The following KIF21B variants were observed in gnomAD, a reference collection of about 807,000 sequenced individuals.
KIF21B encodes kinesin-like protein KIF21B.
In KIF21B, 85 loss-of-function variants were observed where a neutral mutation model predicts 192.9. The observed-to-expected ratio is 0.44, with a 90% confidence interval of 0.37 to 0.53. The LOEUF (loss-of-function observed/expected upper bound fraction) is 0.53. Among genes scored for constraint, KIF21B ranks in the 20% least tolerant of loss-of-function variants. KIF21B has a pLI of 0.00. For synonymous variants in KIF21B, 832 were observed against 884.6 expected (o/e 0.94, Z 1.05); for missense variants, 1,716 against 2,194.8 (o/e 0.78, Z 4.36).
At chr1:200,995,846 G>A (rs1657024931) in intron 15 of KIF21B, among the ~76,000 whole-genome samples, 1 of 152,154 alleles carries the variant, frequency 6.6e-6, no homozygotes, top group Non-Finnish European at 1.5e-5. Context: ...CAAATGAGAG[G>A]CCTCATGTGC....
chr1:201,023,164 C>A lies in KIF21B; in HGVS notation c.41+179G>T, dbSNP rs1466330232. Among the ~76,000 whole-genome samples the A allele has an allele frequency of 6.6e-6, 1 of 152,264 alleles. No homozygotes were observed. The highest frequency in any genetic ancestry group is 1.5e-5 in the Non-Finnish European group (1 of 68,052). ...GCCACCTTCCAGTAGTCGGCGGGGTCGCCGCTCCCCTGCGGCAGACTGGCC... is the reference window on the plus strand; with the variant it reads ...GCCACCTTCCAGTAGTCGGCGGGGTAGCCGCTCCCCTGCGGCAGACTGGCC... On this transcript the variant is annotated intron_variant, in intron 1 of 34. Coordinates refer to ENST00000461742, the MANE Select transcript of KIF21B (RefSeq NM_001252102.2). This position sits in a 1 kb window ranked among gnomAD's most constrained non-coding sequence, Gnocchi z 5.9.
Position 200,988,271 on chromosome 1 carries a change from C to G in KIF21B, c.3408+25G>C, listed in dbSNP as rs202083423. ...GTGGAGGCTGGCCCTGCTGCACCCACTGCCTGACTTCCGGCGGGGCTCACC... is the reference window on the plus strand; with the variant it reads ...GTGGAGGCTGGCCCTGCTGCACCCAGTGCCTGACTTCCGGCGGGGCTCACC... On this transcript the variant is annotated intron_variant, in intron 24 of 34. Coordinates refer to ENST00000461742, the MANE Select transcript of KIF21B (RefSeq NM_001252102.2). 5 of 1,611,240 alleles carry G rather than the reference C, an allele frequency of 3.1e-6. No individual in the cohort carries two copies. The Admixed American group carries it at 5.0e-5, about 16-fold the overall frequency.
chr1:201,022,124 C>T (rs1008248287), intron 1 of KIF21B, among the ~76,000 whole-genome samples: 4 of 152,222 alleles, frequency 2.6e-5, no homozygotes, highest in African/African-American at 7.2e-5. Context: ...GTGTCAGCTC[C>T]TCTTTGGGCT....
rs771026571 is a variant in KIF21B, at chr1:200,990,056, G to A, written c.3031-13C>T. ...AGTCCAGCTCCTCCTAGGACCGGGA[G>A]GCAGAGAGCCCCGTCACCTGGGGCT... On this transcript the variant is annotated splice_polypyrimidine_tract_variant and intron_variant, in intron 20 of 34. Transcript: ENST00000461742. This position sits in a 1 kb window ranked among gnomAD's most constrained non-coding sequence, Gnocchi z 5.4. 43 of 1,613,072 alleles carry A rather than the reference G, an allele frequency of 2.7e-5. No individual in the cohort carries two copies. Among genetic ancestry groups the A allele is most frequent in the Non-Finnish European group, 3.6e-5 (43 of 1,179,488 alleles).
In KIF21B at chr1:201,000,782, T is replaced by C. The variant is rs1657444291; in HGVS notation, c.1403-2A>G. The C allele has an allele frequency of 6.2e-7, 1 of 1,614,010 alleles. No homozygotes were observed. The highest frequency in any genetic ancestry group is 8.5e-7 in the Non-Finnish European group (1 of 1,179,982). On this transcript the variant is annotated splice_acceptor_variant, in intron 9 of 34. Transcript: ENST00000461742. LOFTEE classifies it high-confidence loss of function. This position sits in a 1 kb window ranked among gnomAD's most constrained non-coding sequence, Gnocchi z 6.0. ...CACCAATGGCCTCATTGCCATCGCC[T>C]GGAGTGGGACGGCGGGAAGAAGGGT...
intron 29 of KIF21B, among the ~76,000 whole-genome samples, chr1:200,980,124 C>T (rs948113155): frequency 3.9e-5 from 6 of 152,228 alleles, no homozygotes; most frequent in African/African-American, 1.4e-4. Flanking sequence ...ATCAATCAAT[C>T]ACACCTAGAT....
intron 31 of KIF21B, 113 bp downstream of exon 31, chr1:200,977,099 A>T: frequency 1.6e-6 from 2 of 1,240,806 alleles, no homozygotes; most frequent in Non-Finnish European, 2.3e-6. Context: ...CATGGGGGGA[A>T]TAAAGGTGTT....
Position 201,023,443 on chromosome 1 carries a change from C to T in KIF21B, c.-60G>A, listed in dbSNP as rs965219275. ...AGGCGGGGGTCTGGGGGCCAATGCC[C>T]GAGGCAGCGGCTGCGGCTGCGGGAG... On this transcript the variant is annotated 5_prime_UTR_variant, in exon 1 of 35. Coordinates refer to ENST00000461742, the MANE Select transcript of KIF21B (RefSeq NM_001252102.2). The surrounding 1 kb of genome is among the most constrained non-coding windows in gnomAD (Gnocchi z 5.9). 6 of 1,263,164 alleles carry T rather than the reference C, an allele frequency of 4.7e-6. No homozygotes were observed. In the African/African-American group the frequency reaches 7.7e-5, roughly 16 times the overall value. The allele number at this position is 1,263,164 out of a possible 1,614,324, so 78.2% of individuals were successfully genotyped here. A position where few individuals can be genotyped will look rare whatever the true frequency, so the allele number is the denominator to read the frequency against.
chr1:201,016,990 G>A (rs1030657688), intron 1 of KIF21B, among the ~76,000 whole-genome samples: 12 of 152,142 alleles, frequency 7.9e-5, no homozygotes, highest in Non-Finnish European at 1.5e-5. Flanking sequence ...AGGAGGCCTT[G>A]GGGTGTCAGC....
Position 200,982,279 on chromosome 1 carries a change from G to A in KIF21B, c.3842+777C>T, listed in dbSNP as rs756315573. On this transcript the variant is annotated intron_variant, in intron 28 of 34. Coordinates refer to ENST00000461742, the MANE Select transcript of KIF21B (RefSeq NM_001252102.2). This position sits in a 1 kb window ranked among gnomAD's most constrained non-coding sequence, Gnocchi z 4.7. ...CCTGGCCAGCTGGCTAACATCTTGT[G>A]GTGGCAAAGCCTCATGATTCACAGT... 3.3e-5 allele frequency among the ~76,000 whole-genome samples: 5 copies of A among 152,172 alleles called. No individual in the cohort carries two copies. The highest frequency in any genetic ancestry group is 7.4e-5 in the Non-Finnish European group (5 of 68,020).
At chr1:201,015,695 A>G (rs922239790) in intron 1 of KIF21B, among the ~76,000 whole-genome samples, 2 of 152,204 alleles carry the variant, frequency 1.3e-5, no homozygotes, top group African/African-American at 4.8e-5. Flanking sequence ...GGTGATGGCT[A>G]GTCTGCCTGG....
chr1:200,999,466 C>G lies in KIF21B; in HGVS notation c.1768G>C (p.Glu590Gln). ...CCACTCTCGTCTCGCTCTTCCTCCTCCTGGGCACCAGGCACCATTGGGGTG... is the reference window on the plus strand; with the variant it reads ...CCACTCTCGTCTCGCTCTTCCTCCTGCTGGGCACCAGGCACCATTGGGGTG... ...EETDENEAEE[E>Q]EEERDESGCE... The change falls in exon 13 of 35, where the codon GAG becomes CAG. Residue 590 changes from glutamate (E) to glutamine (Q), a missense_variant and splice_region_variant. Transcript: ENST00000461742. This position sits in a 1 kb window ranked among gnomAD's most constrained non-coding sequence, Gnocchi z 4.7. 1 of 1,613,672 alleles carries G rather than the reference C, an allele frequency of 6.2e-7. No homozygotes were observed. The highest frequency in any genetic ancestry group is 8.5e-7 in the Non-Finnish European group (1 of 1,179,722).
chr1:201,006,410 C>G (rs866352877), intron 3 of KIF21B, among the ~76,000 whole-genome samples: 1 of 152,050 alleles, frequency 6.6e-6, no homozygotes. Flanking sequence ...GGAACTAGGG[C>G]TGGGGAGTGG....
chr1:200,976,714 A>G, intron 32 of KIF21B, 62 bp downstream of exon 32: 1 of 1,084,384 alleles, frequency 9.2e-7, no homozygotes, highest in Non-Finnish European at 1.4e-6. Flanking sequence ...CCAGGGCAAC[A>G]GAGGGCAAAG....
intron 1 of KIF21B, among the ~76,000 whole-genome samples, chr1:201,022,319 C>T (rs531120547): frequency 2.0e-5 from 3 of 152,192 alleles, no homozygotes; most frequent in Non-Finnish European, 4.4e-5. Flanking sequence ...GACAATCCCC[C>T]GCCCCCTCCA....
At chr1:200,977,091 TG>T in intron 31 of KIF21B, 120 bp downstream of exon 31, 5 of 1,196,614 alleles carry the variant, frequency 4.2e-6, no homozygotes, top group Non-Finnish European at 3.6e-6. Flanking sequence ...CCCAGCAGCA[TG>T]GGGGGAATAA....
intron 3 of KIF21B, among the ~76,000 whole-genome samples, chr1:201,005,936 G>A (rs10920091): frequency 0.27 from 40,355 of 152,228 alleles, 5,880 homozygotes; most frequent in Middle Eastern, 0.37. Flanking sequence ...CCAGCAGCTC[G>A]GTCCCAGCAT....
At chr1:200,974,258 A>G in intron 34 of KIF21B, 6 of 1,494,552 alleles carry the variant, frequency 4.0e-6, no homozygotes, top group Non-Finnish European at 5.4e-6. Flanking sequence ...GGGAGGGGAG[A>G]GAAGGGACAA....
Position 200,987,041 on chromosome 1 carries a change from T to G in KIF21B, c.3569A>C (p.Asp1190Ala). 2 of 1,613,992 alleles carry G rather than the reference T, an allele frequency of 1.2e-6. No homozygotes were observed. Among genetic ancestry groups the G allele is most frequent in the Non-Finnish European group, 1.7e-6 (2 of 1,179,996 alleles). The change falls in exon 25 of 35, where the codon GAC becomes GCC. Residue 1190 changes from aspartate to alanine, a missense_variant. Transcript: ENST00000461742. ...CAGACTGACGGTGCGCGAGACCCTG[T>G]CCCGGTAATAGGGGTCTCGGACAGA... The part of the protein sequence containing the change: ...GFSVRDPYYR[D>A]RVSRTVSLPT...
Sources: allele counts gnomAD v4.1 joint callset (sites outside exome capture counted in the v4.1 genomes callset), GRCh38; gene constraint gnomAD v4.1.1; non-coding constraint Gnocchi (gnomAD v3.1); transcripts MANE v1.5; gene names NCBI Gene and HGNC (gene_info 2026-07-23, HGNC 2026-07-21).